TSNARE1: variants seen among roughly 807,000 people sequenced by gnomAD.
TSNARE1 encodes t-SNARE domain containing 1.
Under a neutral mutation model 62.0 loss-of-function variants are expected in TSNARE1, and 49 were observed. The observed-to-expected ratio is 0.79, with a 90% CI of 0.63 to 1.00. TSNARE1 has a LOEUF of 1.00. TSNARE1 is among the 50% of genes least tolerant of loss of function. The pLI, the probability that TSNARE1 is intolerant of heterozygous loss-of-function variation, is 0.00. For missense variants in TSNARE1, 755 were observed against 700.1 expected (o/e 1.08, Z -0.88); for synonymous variants, 328 against 294.4 (o/e 1.11, Z -1.17).
At chr8:142,277,197 T>A in intron 11 of TSNARE1, 1 of 985,014 alleles carries the variant, frequency 1.0e-6, no homozygotes, top group Non-Finnish European at 1.2e-6. Flanking sequence ...ACACAGGGGG[T>A]GCTCCACGGG....
chr8:142,276,938 G>C, intron 11 of TSNARE1: 1 of 985,372 alleles, frequency 1.0e-6, no homozygotes, highest in South Asian at 4.7e-5. Context: ...AGGTGGGCAC[G>C]CCATGTCCTG....
intron 4 of TSNARE1, among the ~76,000 whole-genome samples, chr8:142,337,111 G>T (rs1214841178): frequency 2.6e-5 from 4 of 152,162 alleles, no homozygotes; most frequent in African/African-American, 9.7e-5. Context: ...TAATAAAGGT[G>T]AGCAGAAACC....
chr8:142,288,593 A>G (rs572769985), intron 10 of TSNARE1, among the ~76,000 whole-genome samples: 51 of 152,310 alleles, frequency 3.3e-4, no homozygotes, highest in African/African-American at 1.2e-3. Context: ...GATGCGGCTG[A>G]CAGGAGCCGG....
chr8:142,298,187 G>A (rs1007773382), intron 10 of TSNARE1, among the ~76,000 whole-genome samples: 5 of 152,218 alleles, frequency 3.3e-5, no homozygotes, highest in Admixed American at 1.3e-4. Context: ...CTTTCCTCCC[G>A]CCCTGGCCCA....
chr8:142,289,223 G>A (rs1019552888), intron 10 of TSNARE1, among the ~76,000 whole-genome samples: 35 of 152,298 alleles, frequency 2.3e-4, no homozygotes, highest in African/African-American at 7.0e-4. Flanking sequence ...ACAGCAGCTC[G>A]GGCTCCAGGC....
intron 12 of TSNARE1, among the ~76,000 whole-genome samples, chr8:142,262,342 T>G (rs1818938831): frequency 6.6e-6 from 1 of 152,166 alleles, no homozygotes; most frequent in African/African-American, 2.4e-5. Flanking sequence ...TGTGTGTGTG[T>G]GTGTGTCCAT....
chr8:142,246,457 ACCCCCTCCCTGGCATG>A (rs1817887567), intron 12 of TSNARE1, among the ~76,000 whole-genome samples: 1 of 148,704 alleles, frequency 6.7e-6, no homozygotes, highest in East Asian at 2.0e-4. Flanking sequence ...ACCTCTGCCC[ACCCCCTCCCTGGCATG>A]CCCCCTCCTC....
At chr8:142,222,776 C>T (rs199788626) in intron 13 of TSNARE1, among the ~76,000 whole-genome samples, 24 of 52,200 alleles carry the variant, frequency 4.6e-4, no homozygotes, top group African/African-American at 1.3e-3. Flanking sequence ...ATTCACTCAT[C>T]CACTCACTCA....
At chr8:142,261,987 C>G (rs891635098) in intron 12 of TSNARE1, among the ~76,000 whole-genome samples, 3 of 152,234 alleles carry the variant, frequency 2.0e-5, no homozygotes, top group African/African-American at 4.8e-5. Context: ...CCAGCCTGCT[C>G]CCAGCCCCAT....
At chr8:142,264,839 T>A (rs1225420459) in intron 12 of TSNARE1, among the ~76,000 whole-genome samples, 1 of 152,216 alleles carries the variant, frequency 6.6e-6, no homozygotes, top group East Asian at 1.9e-4. Flanking sequence ...TTTCCTCCAA[T>A]CTGACAGTCC....
chr8:142,330,073 G>A (rs1260785770), intron 6 of TSNARE1, among the ~76,000 whole-genome samples: 1 of 152,252 alleles, frequency 6.6e-6, no homozygotes, highest in African/African-American at 2.4e-5. Flanking sequence ...ACAGGGGAGT[G>A]CGAGGACAAC....
At chr8:142,257,899 C>G (rs377731999) in intron 12 of TSNARE1, among the ~76,000 whole-genome samples, 2 of 152,100 alleles carry the variant, frequency 1.3e-5, no homozygotes, top group East Asian at 1.9e-4. Context: ...ACCCACTGCC[C>G]CTGGGTGAGC....
rs1563800969 is a variant in TSNARE1 at position 142,273,191 on chromosome 8, T to TCC, written c.1446+1589_1446+1590insGG. 142 of 948,720 alleles carry TCC rather than the reference T, an allele frequency of 1.5e-4. No individual in the cohort carries two copies. In the African/African-American group the frequency reaches 2.3e-3, roughly 15 times the overall value. 58.8% of individuals were successfully genotyped at this position (948,720 alleles called of 1,614,324 possible). ...CACTGCCCTCCTTTCCTCCTCCTCC[T>TCC]TCACCTCCTCCTCTTCCTCACTGTC... On this transcript the variant is annotated intron_variant, in intron 12 of 13. Coordinates refer to ENST00000524325, the MANE Select transcript of TSNARE1 (RefSeq NM_145003.5).
chr8:142,300,525 C>T lies in TSNARE1; in HGVS notation c.1251G>A (p.Glu417=), dbSNP rs1336732899. The T allele has an allele frequency of 1.2e-6, 2 of 1,610,636 alleles. No individual in the cohort carries two copies. Among genetic ancestry groups the T allele is most frequent in the East Asian group, 2.2e-5 (1 of 44,880 alleles). Residue 417 remains glutamate (E), a synonymous_variant, in exon 10 of 14, where the codon GAG becomes GAA. Transcript: ENST00000524325. ...TGGCCTCCTCCCGCAGCCGGATGGC[C>T]TCCAGGTCCTCTTCAGTGATGTCCG... ...LLPDITEEDL[E]AIRLREEAIL...
At chr8:142,400,593 A>G (rs1838214627) in intron 1 of TSNARE1, among the ~76,000 whole-genome samples, 1 of 152,064 alleles carries the variant, frequency 6.6e-6, no homozygotes, top group South Asian at 2.1e-4. Flanking sequence ...ACAAAAAATT[A>G]GCCAGGTGTG....
intron 1 of TSNARE1, among the ~76,000 whole-genome samples, chr8:142,376,911 G>A (rs1386741288): frequency 1.3e-5 from 2 of 152,242 alleles, no homozygotes; most frequent in Non-Finnish European, 2.9e-5. Context: ...GGCAGAGCAG[G>A]GAGAGCCACA....
intron 1 of TSNARE1, among the ~76,000 whole-genome samples, chr8:142,370,848 C>CAAA (rs57904767): frequency 4.7e-4 from 61 of 131,174 alleles, no homozygotes; most frequent in African/African-American, 1.6e-3. Flanking sequence ...AAACAAAAAA[C>CAAA]AAAAAAAAAA....
intron 10 of TSNARE1, among the ~76,000 whole-genome samples, chr8:142,285,275 G>C (rs868847805): frequency 7.3e-6 from 1 of 136,304 alleles, no homozygotes; most frequent in African/African-American, 3.5e-5. Context: ...TGGATGGATG[G>C]GTAGGTGGAT....
At chr8:142,271,168 G>A (rs79248723) in intron 12 of TSNARE1, 187,532 of 988,982 alleles carry the variant, frequency 0.19, 21,756 homozygotes, top group African/African-American at 0.54. Context: ...TGTCCTGGGA[G>A]CCTCCAGCAG....
Sources: allele counts gnomAD v4.1 joint callset (sites outside exome capture counted in the v4.1 genomes callset), GRCh38; gene constraint gnomAD v4.1.1; transcripts MANE v1.5; gene names NCBI Gene and HGNC (gene_info 2026-07-23, HGNC 2026-07-21).